Variants in RYR1 observed in about 807,000 individuals in gnomAD.
The protein encoded by RYR1 is central core disease of muscle.
Under a neutral mutation model 583.5 loss-of-function variants are expected in RYR1, and 342 were observed. The ratio of observed to expected loss-of-function variants is 0.59; its 90% CI spans 0.54 to 0.64. The LOEUF is 0.64. Among genes scored for constraint, RYR1 ranks in the 30% least tolerant of loss-of-function variants. The probability of loss-of-function intolerance (pLI) is 0.00; values close to 1 mark genes in which losing one functional copy is unlikely to be tolerated. For synonymous variants in RYR1, 2,791 were observed against 2,822.5 expected (o/e 0.99, Z 0.35); for missense variants, 6,032 against 6,917.2 (o/e 0.87, Z 4.54).
At position 38,575,930 on chromosome 19, in the gene RYR1, G is replaced by A. The variant is rs1973938468; in HGVS notation, c.14141G>A (p.Ser4714Asn). ...CTCTCTCTCTGCAGGTCTTTCCCTA[G>A]CAACTACTGGGACAAGTTTGTCAAG... ...RLVLNTPSFP[S>N]NYWDKFVKRK... Residue 4714 changes from serine to asparagine, a missense_variant, in exon 97 of 106, where the codon AGC becomes AAC. Physicochemically the swap from Ser to Asn is conservative, Grantham distance 46. Around this residue, in one of 11 missense-constraint regions of RYR1, gnomAD observed 188 missense variants for 215.6 expected, o/e 0.87. Coordinates refer to ENST00000359596, the MANE Select transcript of RYR1 (RefSeq NM_000540.3). 2 of 1,614,008 alleles carry A rather than the reference G, an allele frequency of 1.2e-6. No homozygotes were observed. The highest frequency in any genetic ancestry group is 1.7e-6 in the Non-Finnish European group (2 of 1,180,052).
At chr19:38,469,603 A>G in intron 27 of RYR1, 90 bp downstream of exon 27, 2 of 1,296,906 alleles carry the variant, frequency 1.5e-6, no homozygotes, top group Non-Finnish European at 2.2e-6. Context: ...TTTTCCCTCC[A>G]TGTTAGGACA....
In RYR1 at chr19:38,466,343, C is replaced by T. The variant is rs569565316; in HGVS notation, c.3123C>T (p.Ala1041=). The change falls in exon 24 of 106, where the codon GCC becomes GCT. Residue 1041 remains alanine, a synonymous_variant. Transcript: ENST00000359596. ...KRSNRDSLCQ[A]VRTLLGYGYN... is the part of the protein sequence containing the mutation. ...GCAACCGGGACAGCCTCTGCCAGGCCGTGCGCACCCTCCTGGGCTACGGCT... is the reference window on the plus strand; with the variant it reads ...GCAACCGGGACAGCCTCTGCCAGGCTGTGCGCACCCTCCTGGGCTACGGCT... The T allele has an allele frequency of 1.6e-5, 26 of 1,594,428 alleles. No homozygotes were observed. Among genetic ancestry groups the T allele is most frequent in the Non-Finnish European group, 2.0e-5 (24 of 1,172,270 alleles).
In RYR1 at chr19:38,484,003, G is replaced by A. The variant is rs371244747; in HGVS notation, c.4934+487G>A. On this transcript the variant is annotated intron_variant, in intron 33 of 105. Transcript: ENST00000359596. ...CAGACACACCTAGGGCCACAGATGC[G>A]TTCACATGGATGGCAGGGTTACTCT... is the stretch of plus-strand genomic sequence containing the variant. Among the ~76,000 whole-genome samples, 74 of 152,062 alleles carry A rather than the reference G, an allele frequency of 4.9e-4. 1 individual carries two copies. The East Asian group carries it at 7.4e-3, about 15-fold the overall frequency.
At chr19:38,466,515 T>G (rs1410653791) in intron 24 of RYR1, 117 bp downstream of exon 24, 2 of 1,106,908 alleles carry the variant, frequency 1.8e-6, no homozygotes, top group Non-Finnish European at 2.5e-6. Context: ...TTTTTTTTTT[T>G]TTTTTTTGAG....
intron 89 of RYR1, among the ~76,000 whole-genome samples, chr19:38,548,781 T>C (rs1357178799): frequency 6.6e-6 from 1 of 152,146 alleles, no homozygotes; most frequent in Non-Finnish European, 1.5e-5. Flanking sequence ...GTGGTCTCAC[T>C]ACATTACCCA....
chr19:38,455,268 C>G lies in RYR1; in HGVS notation c.1474C>G (p.Arg492Gly), dbSNP rs199826952. 2.5e-5 allele frequency: 40 copies of G among 1,613,872 alleles called. No individual in the cohort carries two copies. Among genetic ancestry groups the G allele is most frequent in the Admixed American group, 5.0e-5 (3 of 59,984 alleles). Residue 492 changes from arginine to glycine, a missense_variant, in exon 14 of 106, where the codon CGC becomes GGC. Arg to Gly is a moderately radical substitution (Grantham distance 125, BLOSUM62 -2). Coordinates refer to ENST00000359596, the MANE Select transcript of RYR1 (RefSeq NM_000540.3). Reference protein sequence around the residue: ...MLSMVLNCIDRLNVYTTAAHF... With the variant: ...MLSMVLNCIDGLNVYTTAAHF... ...CTCCATGGTCCTGAATTGCATAGACCGCCTAAATGTCTACACCACTGCTGC... is the reference window on the plus strand; with the variant it reads ...CTCCATGGTCCTGAATTGCATAGACGGCCTAAATGTCTACACCACTGCTGC...
At chr19:38,516,438 G>A (rs1234697706) in intron 65 of RYR1, among the ~76,000 whole-genome samples, 1 of 152,144 alleles carries the variant, frequency 6.6e-6, no homozygotes, top group Non-Finnish European at 1.5e-5. Context: ...TTTGATTTTT[G>A]AAAACAGAAT....
intron 93 of RYR1, among the ~76,000 whole-genome samples, chr19:38,570,377 G>A (rs145077943): frequency 1.2e-3 from 179 of 152,196 alleles, no homozygotes; most frequent in African/African-American, 4.1e-3. Flanking sequence ...GCTTGAACCC[G>A]GGCGGCAGAG....
intron 3 of RYR1, 28 bp from the exon 4 acceptor site, chr19:38,443,530 T>G: frequency 6.2e-7 from 1 of 1,605,626 alleles, no homozygotes; most frequent in Non-Finnish European, 8.5e-7. Flanking sequence ...GGATCTGTGC[T>G]TATTCTGTTC....
chr19:38,561,435 C>G lies in RYR1; in HGVS notation c.12605C>G (p.Ala4202Gly). The change falls in exon 90 of 106, where the codon GCC becomes GGC. Residue 4202 changes from alanine to glycine, a missense_variant. Around this residue, in one of 11 missense-constraint regions of RYR1, gnomAD observed 753 missense variants for 759.6 expected, o/e 0.99. Coordinates refer to ENST00000359596, the MANE Select transcript of RYR1 (RefSeq NM_000540.3). The surrounding 1 kb of genome is among the most constrained non-coding windows in gnomAD (Gnocchi z 4.8). ...TTCGAGATCTCAGAGACCAACCGCG[C>G]CCAGTGGGAGATGCCCCAGGTCAGG... ...IYFEISETNR[A>G]QWEMPQVKES... The G allele has an allele frequency of 2.5e-6, 4 of 1,609,462 alleles. No individual in the cohort carries two copies. The highest frequency in any genetic ancestry group is 3.4e-6 in the Non-Finnish European group (4 of 1,179,106).
intron 27 of RYR1, among the ~76,000 whole-genome samples, chr19:38,471,267 G>A (rs944040491): frequency 2.6e-5 from 4 of 152,196 alleles, no homozygotes; most frequent in Non-Finnish European, 4.4e-5. Context: ...GGTGGCTCAC[G>A]CCTGTAATCT....
At chr19:38,521,416 G>A (rs73544610) in intron 67 of RYR1, among the ~76,000 whole-genome samples, 18,587 of 151,530 alleles carry the variant, frequency 0.12, 2,029 homozygotes, top group African/African-American at 0.29. Flanking sequence ...GCTCGTGACT[G>A]TAATCCCAGC....
chr19:38,529,122 G>T, intron 76 of RYR1, 65 bp downstream of exon 76: 1 of 1,526,606 alleles, frequency 6.6e-7, no homozygotes, highest in Non-Finnish European at 9.1e-7. Context: ...CAGCCCAGCA[G>T]CTTCCCTGTG....
chr19:38,515,679 C>T (rs1970935540), intron 64 of RYR1, among the ~76,000 whole-genome samples: 1 of 152,038 alleles, frequency 6.6e-6, no homozygotes, highest in Non-Finnish European at 1.5e-5. Context: ...TGTAGTGGCG[C>T]TGGTGCCTGT....
intron 48 of RYR1, 37 bp from the exon 49 acceptor site, chr19:38,502,842 TG>T (rs753615680): frequency 1.1e-5 from 17 of 1,584,898 alleles, no homozygotes; most frequent in Non-Finnish European, 1.1e-5. Context: ...AGAGCGGGCC[TG>T]GACGGGGGAT....
At chr19:38,462,891 C>CTTTTTTTT (rs553168266) in intron 20 of RYR1, among the ~76,000 whole-genome samples, 50 of 78,744 alleles carry the variant, frequency 6.3e-4, no homozygotes, top group Non-Finnish European at 7.4e-4. Context: ...ACTCTCTCTT[C>CTTTTTTTT]TTTTTTTTTT....
In RYR1 at chr19:38,504,201, C is replaced by G. The variant is rs754634457; in HGVS notation, c.7927-19C>G. On this transcript the variant is annotated intron_variant, in intron 49 of 105. Coordinates refer to ENST00000359596, the MANE Select transcript of RYR1 (RefSeq NM_000540.3). Reference sequence around the variant, plus strand: ...TGGTGCCCCCCTCATTTGTGTGTCCCCCTCTTGTTCCCACCCAGCTCCTCA... The same window carrying G: ...TGGTGCCCCCCTCATTTGTGTGTCCGCCTCTTGTTCCCACCCAGCTCCTCA... 6 of 1,604,030 alleles carry G rather than the reference C, an allele frequency of 3.7e-6. No individual in the cohort carries two copies. Among genetic ancestry groups the G allele is most frequent in the Non-Finnish European group, 5.1e-6 (6 of 1,175,320 alleles).
chr19:38,577,690 G>C (rs1034285673), intron 97 of RYR1, among the ~76,000 whole-genome samples: 4 of 152,068 alleles, frequency 2.6e-5, no homozygotes, highest in African/African-American at 9.7e-5. Flanking sequence ...CAGCTACTCA[G>C]GTGGCTGAGG....
At chr19:38,495,983 G>A (rs1368542236) in intron 39 of RYR1, among the ~76,000 whole-genome samples, 1 of 151,976 alleles carries the variant, frequency 6.6e-6, no homozygotes, top group African/African-American at 2.4e-5. Context: ...GGCTGATCTC[G>A]ATCTCCTGAC....
Sources: gnomAD v4.1 joint callset for allele counts (sites outside exome capture counted in the v4.1 genomes callset) on GRCh38, gnomAD v4.1.1 for gene constraint, gnomAD v4.1.1 regional missense constraint, Gnocchi (gnomAD v3.1) non-coding constraint, MANE v1.5 for transcripts, NCBI Gene and HGNC (gene_info 2026-07-23, HGNC 2026-07-21) for gene names.